PRDM12: variants seen among roughly 807,000 people sequenced by gnomAD.
PRDM12 encodes the protein PR domain zinc finger protein 12.
Under a neutral mutation model 29.6 loss-of-function variants are expected in PRDM12, and 17 were observed. That is an observed-to-expected ratio of 0.57 (90% CI 0.39 to 0.86). The LOEUF (loss-of-function observed/expected upper bound fraction) is 0.86, where lower values mean the gene tolerates loss of function less well. Among genes scored for constraint, PRDM12 ranks in the 40% least tolerant of loss-of-function variants. PRDM12 has a pLI of 0.00. For missense variants in PRDM12, 422 were observed against 510.8 expected (o/e 0.83, Z 1.68); for synonymous variants, 231 against 225.8 (o/e 1.02, Z -0.21).
At chr9:130,666,047 G>A (rs950996999) in intron 1 of PRDM12, among the ~76,000 whole-genome samples, 1 of 152,200 alleles carries the variant, frequency 6.6e-6, no homozygotes, top group African/African-American at 2.4e-5. Context: ...CGAGCGCAGA[G>A]CCTGGCCAGC....
In PRDM12 at chr9:130,681,853, C is replaced by A; in HGVS notation, c.*184C>A. Reference sequence around the variant, plus strand: ...CCTTGGCCCGTGTCGCAGATGAGGACACTGAGGGCGGCGTCCCTCACCCAG... The same window carrying A: ...CCTTGGCCCGTGTCGCAGATGAGGAAACTGAGGGCGGCGTCCCTCACCCAG... On this transcript the variant is annotated 3_prime_UTR_variant, in exon 5 of 5. Coordinates refer to ENST00000253008, the MANE Select transcript of PRDM12 (RefSeq NM_021619.3). This position sits in a 1 kb window ranked among gnomAD's most constrained non-coding sequence, Gnocchi z 8.1. 2 of 466,300 alleles carry A rather than the reference C, an allele frequency of 4.3e-6. No homozygotes were observed. The highest frequency in any genetic ancestry group is 5.6e-6 in the Non-Finnish European group (2 of 355,544). The allele number at this position is 466,300 out of a possible 1,614,324, so 28.9% of individuals were successfully genotyped here.
rs1418680844 is a variant in PRDM12, at chr9:130,681,263, C to T, written c.698C>T (p.Ala233Val). The T allele has an allele frequency of 1.4e-6, 2 of 1,469,380 alleles. No individual in the cohort carries two copies. Among genetic ancestry groups the T allele is most frequent in the Admixed American group, 2.0e-5 (1 of 50,672 alleles). The allele number at this position is 1,469,380 out of a possible 1,614,324, so 91.0% of individuals were successfully genotyped here. A position where few individuals can be genotyped will look rare whatever the true frequency, so the allele number is the denominator to read the frequency against. ...CCGCGGCCAGAGGACTTCCACCCGG[C>T]GGACTCGGCGGCTGGCCCCGCGGGC... Reference protein sequence around the residue: ...KKNKHEDFHPADSAAGPAGRM... With the variant: ...KKNKHEDFHPVDSAAGPAGRM... Residue 233 changes from alanine to valine, a missense_variant, in exon 5 of 5, where the codon GCG becomes GTG. By Grantham distance (64) the Ala-to-Val change is moderately conservative (BLOSUM62 0). Around this residue, in one of 5 missense-constraint regions of PRDM12, gnomAD observed 300 missense variants for 350.0 expected, o/e 0.86. Transcript: ENST00000253008. This position sits in a 1 kb window ranked among gnomAD's most constrained non-coding sequence, Gnocchi z 8.1.
Position 130,666,695 on chromosome 9 carries a change from C to G in PRDM12, c.311C>G (p.Ser104Cys), listed in dbSNP as rs1348111537. ...CCTGGCGAGGGCCTCGGCATCTTCT[C>G]CAAGACGTGGATCAAGGCGGGAACC... is the stretch of plus-strand genomic sequence containing the variant. The part of the protein sequence containing the change: ...SIPGEGLGIF[S>C]KTWIKAGTEM... Residue 104 changes from serine (S) to cysteine (C), a missense_variant, in exon 2 of 5, where the codon TCC (serine) becomes TGC (cysteine). Around this residue, in one of 5 missense-constraint regions of PRDM12, gnomAD observed 300 missense variants for 350.0 expected, o/e 0.86. Transcript: ENST00000253008. 6.2e-7 allele frequency: 1 copy of G among 1,613,576 alleles called. No homozygotes were observed. The highest frequency in any genetic ancestry group is 8.5e-7 in the Non-Finnish European group (1 of 1,179,884).
In PRDM12 at chr9:130,664,699, G is replaced by C. The variant is rs759815395; in HGVS notation, c.46G>C (p.Gly16Arg). 1.2e-5 allele frequency: 19 copies of C among 1,601,590 alleles called. No homozygotes were observed. The highest frequency in any genetic ancestry group is 1.5e-5 in the Non-Finnish European group (18 of 1,175,194). The change falls in exon 1 of 5, where the codon GGG becomes CGG. Residue 16 changes from glycine to arginine, a missense_variant. Transcript: ENST00000253008. The surrounding 1 kb of genome is among the most constrained non-coding windows in gnomAD (Gnocchi z 6.4). ...LPAEALVLKT[G>R]LKAPGLALAE... ...GGCTGAGGCCCTGGTGCTCAAGACC[G>C]GGCTGAAGGCGCCGGGACTGGCGCT...
chr9:130,667,837 G>T (rs995955995), intron 2 of PRDM12, among the ~76,000 whole-genome samples: 1 of 152,166 alleles, frequency 6.6e-6, no homozygotes, highest in African/African-American at 2.4e-5. Flanking sequence ...TCCCTTGAGA[G>T]AGCTCAGGGC....
rs1215754762 is a variant in PRDM12, at chr9:130,682,628, C to T, written c.*959C>T. On this transcript the variant is annotated 3_prime_UTR_variant, in exon 5 of 5. Coordinates refer to ENST00000253008, the MANE Select transcript of PRDM12 (RefSeq NM_021619.3). The surrounding 1 kb of genome is among the most constrained non-coding windows in gnomAD (Gnocchi z 4.2). ...GCCACGAAGCGCTTCCGAGCTGTGC[C>T]CAGTCCCGGGAATTCCGCCCAGTCT... The T allele has an allele frequency of 6.6e-6, 1 of 152,304 alleles. No individual in the cohort carries two copies. The highest frequency in any genetic ancestry group is 1.5e-5 in the Non-Finnish European group (1 of 68,042). 9.4% of individuals were successfully genotyped at this position (152,304 alleles called of 1,614,324 possible).
chr9:130,664,623 TC>T lies in PRDM12; in HGVS notation c.-26del, dbSNP rs533461018. On this transcript the variant is annotated 5_prime_UTR_variant, in exon 1 of 5. Transcript: ENST00000253008. The surrounding 1 kb of genome is among the most constrained non-coding windows in gnomAD (Gnocchi z 6.4). ...CCCACCTCCCCCGTCGGCCCGGCCG[TC>T]CCCCGGCGCCGGGGAGCTCCGGGCC... 3.0e-5 allele frequency: 33 copies of T among 1,085,944 alleles called. No individual in the cohort carries two copies. The African/African-American group carries it at 4.7e-4, about 15-fold the overall frequency. 67.3% of individuals were successfully genotyped at this position (1,085,944 alleles called of 1,614,324 possible).
intron 4 of PRDM12, among the ~76,000 whole-genome samples, chr9:130,680,143 C>A (rs1251676645): frequency 1.3e-5 from 2 of 151,622 alleles, no homozygotes; most frequent in Non-Finnish European, 2.9e-5. Flanking sequence ...TCCAGACCAG[C>A]CTGGTCAACA....
chr9:130,678,547 G>GA lies in PRDM12; in HGVS notation c.591dup (p.Leu198ThrfsTer31). 6.2e-7 allele frequency: 1 copy of GA among 1,613,130 alleles called. No homozygotes were observed. On this transcript the variant is annotated frameshift_variant, in exon 4 of 5. Transcript: ENST00000253008. LOFTEE classifies it high-confidence loss of function. The stretch of plus-strand genomic sequence containing the variant: ...CCTGCAGATGATCCCACCTGACCAG[G>GA]AACTGCTGGTGTGGTACGGAAACTC...
In PRDM12 at chr9:130,682,719, C is replaced by T. The variant is rs1442143642; in HGVS notation, c.*1050C>T. The T allele has an allele frequency of 6.6e-6, 1 of 152,468 alleles. No individual in the cohort carries two copies. The highest frequency in any genetic ancestry group is 1.5e-5 in the Non-Finnish European group (1 of 68,038). The allele number at this position is 152,468 out of a possible 1,614,324, so 9.4% of individuals were successfully genotyped here. ...GGGCCGTGCGCGCCCTCTGGTGTCG[C>T]CTCTCACACTTTGCAGTCATTTACC... On this transcript the variant is annotated 3_prime_UTR_variant, in exon 5 of 5. Coordinates refer to ENST00000253008, the MANE Select transcript of PRDM12 (RefSeq NM_021619.3). The surrounding 1 kb of genome is among the most constrained non-coding windows in gnomAD (Gnocchi z 4.2).
chr9:130,665,032 G>A (rs1564243999), intron 1 of PRDM12, among the ~76,000 whole-genome samples, 156 bp downstream of exon 1: 2 of 152,016 alleles, frequency 1.3e-5, no homozygotes, highest in Non-Finnish European at 2.9e-5. Context: ...GTTTCCCCAT[G>A]GGCCAAACCA....
intron 3 of PRDM12, among the ~76,000 whole-genome samples, chr9:130,670,257 A>C (rs894670740): frequency 6.6e-6 from 1 of 152,030 alleles, no homozygotes; most frequent in Non-Finnish European, 1.5e-5. Context: ...CCTTTAGTCC[A>C]TGTTCCATTT....
intron 4 of PRDM12, among the ~76,000 whole-genome samples, chr9:130,680,653 A>AT (rs1273238499): frequency 0.016 from 1,261 of 80,590 alleles, 16 homozygotes; most frequent in Non-Finnish European, 0.023. Flanking sequence ...ATATATATAT[A>AT]TATATATTTT....
chr9:130,681,783 C>A lies in PRDM12; in HGVS notation c.*114C>A. On this transcript the variant is annotated 3_prime_UTR_variant, in exon 5 of 5. Transcript: ENST00000253008. This position sits in a 1 kb window ranked among gnomAD's most constrained non-coding sequence, Gnocchi z 8.1. ...CCGGCCCGGCGCCGCCGCGGAGCCC[C>A]GCGCGCTGGGGTTGCGCCCCGGAGG... 1 of 922,558 alleles carries A rather than the reference C, an allele frequency of 1.1e-6. No individual in the cohort carries two copies. Among genetic ancestry groups the A allele is most frequent in the Non-Finnish European group, 1.3e-6 (1 of 772,912 alleles). The allele number at this position is 922,558 out of a possible 1,614,324, so 57.1% of individuals were successfully genotyped here.
intron 3 of PRDM12, among the ~76,000 whole-genome samples, chr9:130,671,411 A>T (rs956024778): frequency 1.3e-5 from 2 of 151,442 alleles, no homozygotes; most frequent in African/African-American, 4.9e-5. Flanking sequence ...ACACACACAC[A>T]CACACACTGT....
At chr9:130,680,367 C>T (rs942885342) in intron 4 of PRDM12, among the ~76,000 whole-genome samples, 1 of 150,810 alleles carries the variant, frequency 6.6e-6, no homozygotes, top group Admixed American at 6.6e-5. Context: ...TTTGGCCGGG[C>T]GCTGTGGCTG....
In PRDM12 at chr9:130,668,174, G is replaced by C. The variant is rs1181029717; in HGVS notation, c.431G>C (p.Gly144Ala). 4.3e-6 allele frequency: 7 copies of C among 1,614,030 alleles called. No homozygotes were observed. The highest frequency in any genetic ancestry group is 5.1e-6 in the Non-Finnish European group (6 of 1,180,050). The change falls in exon 3 of 5, where the codon GGC becomes GCC. Residue 144 changes from glycine (G) to alanine (A), a missense_variant. By Grantham distance (60) the Gly-to-Ala change is moderately conservative (BLOSUM62 0). This residue lies in a region of PRDM12 where 300 missense variants were observed against 350.0 expected (regional missense o/e 0.86). Coordinates refer to ENST00000253008, the MANE Select transcript of PRDM12 (RefSeq NM_021619.3). This position sits in a 1 kb window ranked among gnomAD's most constrained non-coding sequence, Gnocchi z 4.0. The stretch of plus-strand genomic sequence containing the variant: ...TGTGCCCAGGTGTTCAATGAGGATG[G>C]CACGGTGCGCTACTTCATCGATGCC... Reference protein sequence around the residue: ...NLMWEVFNEDGTVRYFIDASQ... With the variant: ...NLMWEVFNEDATVRYFIDASQ...
At chr9:130,680,320 G>C (rs1402486793) in intron 4 of PRDM12, among the ~76,000 whole-genome samples, 1 of 150,526 alleles carries the variant, frequency 6.6e-6, no homozygotes, top group Non-Finnish European at 1.5e-5. Context: ...CTGTGTGACA[G>C]AGCCAGACCC....
Position 130,664,985 on chromosome 9 carries a change from C to A in PRDM12, c.223+109C>A. ...GGATACCCGGCCTCGCTGCTACTCG[C>A]GCCAACCTGGGCTCTCCCGGCGCTC... On this transcript the variant is annotated intron_variant, in intron 1 of 4. Coordinates refer to ENST00000253008, the MANE Select transcript of PRDM12 (RefSeq NM_021619.3). The surrounding 1 kb of genome is among the most constrained non-coding windows in gnomAD (Gnocchi z 6.4). The A allele has an allele frequency of 8.5e-7, 1 of 1,172,532 alleles. No homozygotes were observed. The highest frequency in any genetic ancestry group is 1.2e-6 in the Non-Finnish European group (1 of 850,948). The allele number at this position is 1,172,532 out of a possible 1,614,324, so 72.6% of individuals were successfully genotyped here. A position where few individuals can be genotyped will look rare whatever the true frequency, so the allele number is the denominator to read the frequency against.
Sources: allele counts gnomAD v4.1 joint callset (sites outside exome capture counted in the v4.1 genomes callset), GRCh38; gene constraint gnomAD v4.1.1; regional missense constraint gnomAD v4.1.1; non-coding constraint Gnocchi (gnomAD v3.1); transcripts MANE v1.5; gene names NCBI Gene and HGNC (gene_info 2026-07-23, HGNC 2026-07-21).